Variants in MAP2K5 observed in about 807,000 individuals in gnomAD.
MAP2K5 encodes the protein mitogen-activated protein kinase kinase 5.
A neutral mutation model predicts 83.1 loss-of-function variants in MAP2K5; 49 were observed. The ratio of observed to expected loss-of-function variants is 0.59; its 90% CI spans 0.47 to 0.75. MAP2K5 has a LOEUF of 0.75. Ranked by LOEUF, MAP2K5 falls within the 30% of genes least tolerant of loss-of-function variation. MAP2K5 has a pLI of 0.00. For missense variants in MAP2K5, 457 were observed against 557.5 expected (o/e 0.82, Z 1.82); for synonymous variants, 202 against 191.8 (o/e 1.05, Z -0.44).
Position 67,804,589 on chromosome 15 carries a change from G to A in MAP2K5, c.1243-2057G>A, listed in dbSNP as rs371386235. ...CGGCCATCCGCCCTTCTGGAATGTG[G>A]AGGAACGCCTCTACGCTCCCTCCTG... On this transcript the variant is annotated intron_variant, in intron 21 of 21. Transcript: ENST00000178640. 2.6e-3 allele frequency among the ~76,000 whole-genome samples: 391 copies of A among 152,364 alleles called. 1 individual carries two copies. The highest frequency in any genetic ancestry group is 9.0e-3 in the African/African-American group (376 of 41,582).
At chr15:67,721,969 A>G (rs1276346313) in intron 16 of MAP2K5, among the ~76,000 whole-genome samples, 1 of 152,190 alleles carries the variant, frequency 6.6e-6, no homozygotes, top group Non-Finnish European at 1.5e-5. Flanking sequence ...ATACAAGTTA[A>G]TAATAATAAA....
intron 6 of MAP2K5, among the ~76,000 whole-genome samples, chr15:67,588,794 C>T (rs1279301112): frequency 6.6e-6 from 1 of 152,094 alleles, no homozygotes; most frequent in African/African-American, 2.4e-5. Context: ...AGTTGTAACA[C>T]ATTTAAATTT....
Position 67,543,749 on chromosome 15 carries a change from T to C in MAP2K5, c.135+279T>C, listed in dbSNP as rs112967216. ...ACACATATAGACACAACCACGCAAATGCAAACTGCTGAATCTAGAAGAGAG... is the reference window on the plus strand; with the variant it reads ...ACACATATAGACACAACCACGCAAACGCAAACTGCTGAATCTAGAAGAGAG... On this transcript the variant is annotated intron_variant, in intron 1 of 21. Transcript: ENST00000178640. The surrounding 1 kb of genome is among the most constrained non-coding windows in gnomAD (Gnocchi z 4.3). Among the ~76,000 whole-genome samples the C allele has an allele frequency of 1.8e-3, 280 of 152,192 alleles. No individual in the cohort carries two copies. Among genetic ancestry groups the C allele is most frequent in the African/African-American group, 6.5e-3 (272 of 41,532 alleles).
intron 9 of MAP2K5, among the ~76,000 whole-genome samples, chr15:67,645,073 A>G (rs892952753): frequency 2.0e-5 from 3 of 152,164 alleles, no homozygotes; most frequent in Admixed American, 6.5e-5. Context: ...GCTTGAGCCC[A>G]TGAGACAGAG....
chr15:67,605,391 A>T (rs961588198), intron 8 of MAP2K5, among the ~76,000 whole-genome samples: 1 of 152,182 alleles, frequency 6.6e-6, no homozygotes, highest in Non-Finnish European at 1.5e-5. Flanking sequence ...TCACAGAATT[A>T]TAGTTGTGTT....
At chr15:67,728,830 A>C (rs2089160813) in intron 17 of MAP2K5, among the ~76,000 whole-genome samples, 1 of 152,236 alleles carries the variant, frequency 6.6e-6, no homozygotes, top group South Asian at 2.1e-4. Context: ...CATCACAAAC[A>C]TGGTTATTGA....
chr15:67,582,055 A>ATTTTTTTTTTT (rs1233297576), intron 4 of MAP2K5, among the ~76,000 whole-genome samples: 1 of 134,866 alleles, frequency 7.4e-6, no homozygotes. Flanking sequence ...GATGTAGATG[A>ATTTTTTTTTTT]TTTCTTTTTT....
Position 67,636,265 on chromosome 15 carries a change from G to A in MAP2K5, c.585+5338G>A, listed in dbSNP as rs557117126. 7.2e-5 allele frequency among the ~76,000 whole-genome samples: 11 copies of A among 152,244 alleles called. No homozygotes were observed. The highest frequency in any genetic ancestry group is 6.5e-4 in the Admixed American group (10 of 15,298). Reference sequence around the variant, plus strand: ...CTACTAAAAATACAAAAAATTAGCTGGCCGTGGTGTCGGGCGCTTGTAGTC... The same window carrying A: ...CTACTAAAAATACAAAAAATTAGCTAGCCGTGGTGTCGGGCGCTTGTAGTC... On this transcript the variant is annotated intron_variant, in intron 9 of 21. Coordinates refer to ENST00000178640, the MANE Select transcript of MAP2K5 (RefSeq NM_145160.3). The surrounding 1 kb of genome is among the most constrained non-coding windows in gnomAD (Gnocchi z 4.7).
chr15:67,589,191 A>C (rs2085347068), intron 6 of MAP2K5, among the ~76,000 whole-genome samples: 1 of 152,160 alleles, frequency 6.6e-6, no homozygotes, highest in Non-Finnish European at 1.5e-5. Context: ...GTCACCGTGA[A>C]CATGCAGATG....
intron 7 of MAP2K5, among the ~76,000 whole-genome samples, chr15:67,598,997 C>T (rs530960645): frequency 1.2e-4 from 18 of 152,274 alleles, no homozygotes; most frequent in African/African-American, 4.3e-4. Flanking sequence ...CCTATTTGTG[C>T]CCACCAATGG....
chr15:67,565,215 T>A lies in MAP2K5; in HGVS notation c.252+1865T>A, dbSNP rs536832285. On this transcript the variant is annotated intron_variant, in intron 3 of 21. Coordinates refer to ENST00000178640, the MANE Select transcript of MAP2K5 (RefSeq NM_145160.3). The surrounding 1 kb of genome is among the most constrained non-coding windows in gnomAD (Gnocchi z 4.1). ...ACCTTCCTCTTTGCAGGATTTTTTT[T>A]ATGTCATCACTGTTATTTATTTTTT... is the stretch of plus-strand genomic sequence containing the variant. 6.6e-6 allele frequency among the ~76,000 whole-genome samples: 1 copy of A among 152,254 alleles called. No individual in the cohort carries two copies. The highest frequency in any genetic ancestry group is 2.1e-4 in the South Asian group (1 of 4,818).
At chr15:67,706,108 C>T (rs966026928) in intron 16 of MAP2K5, among the ~76,000 whole-genome samples, 3 of 151,980 alleles carry the variant, frequency 2.0e-5, no homozygotes, top group African/African-American at 7.3e-5. Context: ...CAGGGAGATC[C>T]GTTTAAGTAG....
At chr15:67,706,662 A>T (rs901999519) in intron 16 of MAP2K5, among the ~76,000 whole-genome samples, 2 of 152,220 alleles carry the variant, frequency 1.3e-5, no homozygotes, top group Non-Finnish European at 2.9e-5. Flanking sequence ...AAATGCCTTC[A>T]GAAGGAACTA....
At chr15:67,707,553 C>T (rs987537563) in intron 16 of MAP2K5, among the ~76,000 whole-genome samples, 14 of 152,204 alleles carry the variant, frequency 9.2e-5, no homozygotes, top group Admixed American at 8.5e-4. Context: ...TTGCCCTGTG[C>T]CAGGCCCTGG....
chr15:67,765,688 TAGC>T (rs1309219675), intron 19 of MAP2K5, among the ~76,000 whole-genome samples: 15 of 152,318 alleles, frequency 9.8e-5, no homozygotes, highest in African/African-American at 3.6e-4. Context: ...AGTGAACTAG[TAGC>T]AGCTGTGGTT....
At chr15:67,732,831 G>A (rs982864026) in intron 17 of MAP2K5, among the ~76,000 whole-genome samples, 3 of 152,110 alleles carry the variant, frequency 2.0e-5, no homozygotes, top group Non-Finnish European at 4.4e-5. Context: ...GGTTCCTGGT[G>A]CATCTGTCTG....
At chr15:67,629,363 T>G (rs2086408387) in intron 8 of MAP2K5, among the ~76,000 whole-genome samples, 2 of 149,216 alleles carry the variant, frequency 1.3e-5, no homozygotes, top group African/African-American at 5.0e-5. Flanking sequence ...CATGGAAAGT[T>G]TAAAGCATTC....
At position 67,555,782 on chromosome 15, in the gene MAP2K5, T is replaced by G. The variant is rs2084610442; in HGVS notation, c.184+5700T>G. Among the ~76,000 whole-genome samples, 1 of 131,630 alleles carries G rather than the reference T, an allele frequency of 7.6e-6. No homozygotes were observed. Among genetic ancestry groups the G allele is most frequent in the Non-Finnish European group, 1.6e-5 (1 of 60,696 alleles). The allele number at this position is 131,630 out of a possible 152,430, so 86.4% of individuals were successfully genotyped here. On this transcript the variant is annotated intron_variant, in intron 2 of 21. Transcript: ENST00000178640. The surrounding 1 kb of genome is among the most constrained non-coding windows in gnomAD (Gnocchi z 5.2). ...CTCATTTGTATTTGGCTATTTGTATTTAATTTCCTTTTTTTTTTTGAGACG... is the reference window on the plus strand; with the variant it reads ...CTCATTTGTATTTGGCTATTTGTATGTAATTTCCTTTTTTTTTTTGAGACG...
intron 19 of MAP2K5, among the ~76,000 whole-genome samples, chr15:67,761,494 C>T (rs1479480518): frequency 6.6e-6 from 1 of 152,192 alleles, no homozygotes; most frequent in Non-Finnish European, 1.5e-5. Flanking sequence ...GTTCTGTTTC[C>T]CCCCTTATCT....
Sources: gnomAD v4.1 joint callset for allele counts (sites outside exome capture counted in the v4.1 genomes callset) on GRCh38, gnomAD v4.1.1 for gene constraint, Gnocchi (gnomAD v3.1) non-coding constraint, MANE v1.5 for transcripts, NCBI Gene and HGNC (gene_info 2026-07-23, HGNC 2026-07-21) for gene names.